KANK1: variants seen among roughly 807,000 people sequenced by gnomAD.
KANK1 encodes KN motif and ankyrin repeat domains 1, also known as KN motif and ankyrin repeat domain-containing protein 1.
Under a neutral mutation model 106.2 loss-of-function variants are expected in KANK1, and 109 were observed. That is an observed-to-expected ratio of 1.03 (90% CI 0.88 to 1.20). The LOEUF (loss-of-function observed/expected upper bound fraction) is 1.20. Among genes scored for constraint, KANK1 ranks in the 50% most tolerant of loss-of-function variants. KANK1 has a pLI of 0.00. For synonymous variants in KANK1, 873 were observed against 652.2 expected (o/e 1.34, Z -5.16); for missense variants, 2,399 against 1,710.7 (o/e 1.40, Z -7.10).
At chr9:550,448 C>A (rs1160631205) in intron 1 of KANK1, among the ~76,000 whole-genome samples, 2 of 152,156 alleles carry the variant, frequency 1.3e-5, no homozygotes, top group African/African-American at 4.8e-5. Context: ...GATAAGGTAT[C>A]TTATCAAAAC....
chr9:482,313 AG>A (rs2058219106), intron 3 of KANK1, among the ~76,000 whole-genome samples: 1 of 152,190 alleles, frequency 6.6e-6, no homozygotes, highest in African/African-American at 2.4e-5. Flanking sequence ...GTCAGAAGTG[AG>A]GGGGCACAAA....
intron 1 of KANK1, among the ~76,000 whole-genome samples, chr9:545,950 G>T (rs2060905587): frequency 6.6e-6 from 1 of 152,006 alleles, no homozygotes; most frequent in Admixed American, 6.5e-5. Context: ...GTTTTGCTAT[G>T]TTGGCCAGGC....
intron 10 of KANK1, 65 bp from the exon 11 acceptor site, chr9:744,426 T>TA: frequency 6.5e-7 from 1 of 1,549,102 alleles, no homozygotes; most frequent in Non-Finnish European, 8.8e-7. Flanking sequence ...TTTGTTCTGT[T>TA]ACCTTTCGGT....
At chr9:552,000 G>A (rs372250397) in intron 1 of KANK1, among the ~76,000 whole-genome samples, 314 of 152,212 alleles carry the variant, frequency 2.1e-3, no homozygotes, top group African/African-American at 7.1e-3. Context: ...AGGCTGCAAC[G>A]AGCTATGATC....
At chr9:655,814 C>T (rs1012840579) in intron 1 of KANK1, among the ~76,000 whole-genome samples, 2 of 152,130 alleles carry the variant, frequency 1.3e-5, no homozygotes, top group Non-Finnish European at 1.5e-5. Context: ...ATGGCTAAAA[C>T]GTTTTGTTTT....
chr9:706,868 A>C, intron 2 of KANK1: 1 of 985,502 alleles, frequency 1.0e-6, no homozygotes, highest in East Asian at 1.1e-4. Flanking sequence ...AGACTCTTTC[A>C]TGAAGCAGTG....
At chr9:480,220 C>T (rs1262797023) in intron 3 of KANK1, among the ~76,000 whole-genome samples, 2 of 152,202 alleles carry the variant, frequency 1.3e-5, no homozygotes, top group Non-Finnish European at 2.9e-5. Flanking sequence ...TTAGGTCTAT[C>T]ATATACTCAA....
intron 6 of KANK1, chr9:733,778 G>A (rs1832944160): frequency 6.6e-6 from 1 of 151,944 alleles, no homozygotes. Context: ...AAAGTAATTT[G>A]GGTCTCCTTC....
At position 564,754 on chromosome 9, in the gene KANK1, A is replaced by T. The variant is rs16919713; in HGVS notation, c.-84+60000A>T. 3.6e-3 allele frequency among the ~76,000 whole-genome samples: 548 copies of T among 152,296 alleles called. 7 individuals carry two copies. The highest frequency in any genetic ancestry group is 0.013 in the African/African-American group (530 of 41,556). On this transcript the variant is annotated intron_variant, in intron 1 of 11. Coordinates refer to ENST00000382297, the MANE Select transcript of KANK1 (RefSeq NM_015158.5). ...GAGATGCCCTTACTGTTAACTGCTT[A>T]TTCTCTGTGCTTCTTAATTCATATT...
chr9:590,049 T>C (rs1824457138), intron 1 of KANK1, among the ~76,000 whole-genome samples: 1 of 152,166 alleles, frequency 6.6e-6, no homozygotes, highest in South Asian at 2.1e-4. Flanking sequence ...CATTTCTTAA[T>C]TGCTTGAGGA....
chr9:502,562 C>T (rs1310861222), upstream of KANK1, among the ~76,000 whole-genome samples: 1 of 150,092 alleles, frequency 6.7e-6, no homozygotes, highest in Non-Finnish European at 1.5e-5. Context: ...CGTGCTCTGT[C>T]GCCCAGGCCA....
At chr9:484,679 T>A (rs1205331055) in intron 3 of KANK1, among the ~76,000 whole-genome samples, 2 of 152,214 alleles carry the variant, frequency 1.3e-5, no homozygotes, top group Non-Finnish European at 2.9e-5. Flanking sequence ...AGATAATTTG[T>A]TCCTTGTCTG....
intron 1 of KANK1, among the ~76,000 whole-genome samples, chr9:674,691 C>T (rs923389218): frequency 6.6e-6 from 1 of 151,972 alleles, no homozygotes; most frequent in Non-Finnish European, 1.5e-5. Context: ...GCAAATAAGA[C>T]AGAAGGGGTC....
chr9:722,487 G>T (rs1829613695), intron 3 of KANK1, among the ~76,000 whole-genome samples: 1 of 152,154 alleles, frequency 6.6e-6, no homozygotes, highest in African/African-American at 2.4e-5. Flanking sequence ...TGGCCTCTTT[G>T]TTCTTTGGCT....
chr9:662,665 A>ATTTTTTTT (rs34481151), intron 1 of KANK1, among the ~76,000 whole-genome samples: 14,312 of 141,262 alleles, frequency 0.1, 1,176 homozygotes, highest in East Asian at 0.32. Flanking sequence ...ACAAAAGTTA[A>ATTTTTTTT]TTTTTTTTTT....
intron 3 of KANK1, among the ~76,000 whole-genome samples, chr9:493,949 C>A (rs974679157): frequency 6.6e-6 from 1 of 151,834 alleles, no homozygotes; most frequent in South Asian, 2.1e-4. Flanking sequence ...ATGGTGCGAT[C>A]TCGGCTCACC....
chr9:515,349 A>G (rs993307970), intron 1 of KANK1, among the ~76,000 whole-genome samples: 1 of 151,440 alleles, frequency 6.6e-6, no homozygotes, highest in African/African-American at 2.4e-5. Flanking sequence ...CTTCTCAAAA[A>G]AAAAAAAAAG....
At chr9:628,953 G>GCACA (rs1161483043) in intron 1 of KANK1, among the ~76,000 whole-genome samples, 7,764 of 149,264 alleles carry the variant, frequency 0.052, 604 homozygotes, top group East Asian at 0.22. Flanking sequence ...GGTGATGGGC[G>GCACA]CCTGTAATCC....
intron 1 of KANK1, among the ~76,000 whole-genome samples, chr9:601,087 T>C (rs1272653424): frequency 1.3e-5 from 2 of 151,764 alleles, no homozygotes; most frequent in African/African-American, 2.4e-5. Flanking sequence ...CCACAGTTGC[T>C]TTCCTCTTCC....
Sources: allele counts gnomAD v4.1 joint callset (sites outside exome capture counted in the v4.1 genomes callset), GRCh38; gene constraint gnomAD v4.1.1; transcripts MANE v1.5; gene names NCBI Gene and HGNC (gene_info 2026-07-23, HGNC 2026-07-21).